CTNNA2: variants seen among roughly 807,000 people sequenced by gnomAD.
CTNNA2 encodes catenin alpha-2.
CTNNA2 carries 42 observed loss-of-function variants against 101.0 expected under a neutral mutation model. That is an observed-to-expected ratio of 0.42 (90% CI 0.32 to 0.54). CTNNA2 has a LOEUF of 0.54. Among genes scored for constraint, CTNNA2 ranks in the 20% least tolerant of loss-of-function variants. The pLI is 0.14. For missense variants in CTNNA2, 871 were observed against 1,223.1 expected, an observed-to-expected ratio of 0.71 and a Z score of 4.29; for synonymous variants, 450 against 456.4, an observed-to-expected ratio of 0.99 and a Z score of 0.18.
chr2:80,345,968 T>C (rs1672695805), intron 7 of CTNNA2, among the ~76,000 whole-genome samples: 1 of 152,146 alleles, frequency 6.6e-6, no homozygotes, highest in South Asian at 2.1e-4. Flanking sequence ...AGATTGAGGA[T>C]AAAGGGCATA....
At chr2:79,332,078 T>C (rs1676885957) in intron 3 of CTNNA2, among the ~76,000 whole-genome samples, 1 of 152,032 alleles carries the variant, frequency 6.6e-6, no homozygotes, top group Non-Finnish European at 1.5e-5. Flanking sequence ...CATTGCGAGA[T>C]GGGGTTAGGG....
At chr2:80,087,997 G>A (rs939058563) in intron 7 of CTNNA2, among the ~76,000 whole-genome samples, 17 of 151,896 alleles carry the variant, frequency 1.1e-4, no homozygotes, top group African/African-American at 3.6e-4. Flanking sequence ...AGCCCTTGCC[G>A]ACCACCCAGT....
At chr2:80,102,483 G>T (rs1700603137) in intron 7 of CTNNA2, among the ~76,000 whole-genome samples, 1 of 152,062 alleles carries the variant, frequency 6.6e-6, no homozygotes. Flanking sequence ...AATCCAACCT[G>T]CAATCCACTA....
intron 7 of CTNNA2, among the ~76,000 whole-genome samples, chr2:80,306,725 C>T (rs1319413106): frequency 6.6e-6 from 1 of 151,770 alleles, no homozygotes; most frequent in Admixed American, 6.6e-5. Flanking sequence ...GAGGCACCCG[C>T]AGGGTTAAAC....
intron 4 of CTNNA2, among the ~76,000 whole-genome samples, chr2:79,466,020 G>A (rs574591430): frequency 6.6e-6 from 1 of 152,318 alleles, no homozygotes; most frequent in South Asian, 2.1e-4. Context: ...TCTCACTGGG[G>A]CTTGTCGGAC....
chr2:80,095,841 G>A (rs1189427443), intron 7 of CTNNA2, among the ~76,000 whole-genome samples: 1 of 152,008 alleles, frequency 6.6e-6, no homozygotes, highest in Non-Finnish European at 1.5e-5. Context: ...TGTGGGATCG[G>A]TGGTGATATC....
chr2:80,075,121 C>G (rs939420996), intron 7 of CTNNA2, among the ~76,000 whole-genome samples: 1 of 152,102 alleles, frequency 6.6e-6, no homozygotes, highest in African/African-American at 2.4e-5. Flanking sequence ...GAAGCCCCTT[C>G]ATTCTGCCTT....
chr2:79,779,586 C>T (rs1674267750), intron 3 of CTNNA2, among the ~76,000 whole-genome samples: 1 of 152,068 alleles, frequency 6.6e-6, no homozygotes, highest in Non-Finnish European at 1.5e-5. Flanking sequence ...TTTTGTGAAA[C>T]ATGGTCTCAC....
chr2:80,429,105 A>G (rs1418937304), intron 9 of CTNNA2, among the ~76,000 whole-genome samples: 1 of 152,098 alleles, frequency 6.6e-6, no homozygotes, highest in African/African-American at 2.4e-5. Flanking sequence ...TATATATTCC[A>G]GTACTATTCT....
At chr2:80,340,926 C>T (rs984476209) in intron 7 of CTNNA2, among the ~76,000 whole-genome samples, 2 of 152,028 alleles carry the variant, frequency 1.3e-5, no homozygotes, top group African/African-American at 2.4e-5. Context: ...TCCTCAGATT[C>T]GGTAATTAGC....
At chr2:79,909,885 G>A (rs1685669104) in intron 7 of CTNNA2, 88 bp downstream of exon 7, 1 of 1,326,912 alleles carries the variant, frequency 7.5e-7, no homozygotes, top group South Asian at 1.5e-5. Flanking sequence ...AGCAGGAAAA[G>A]AGAACAGACC....
chr2:79,352,413 G>A (rs1246238628), intron 3 of CTNNA2, among the ~76,000 whole-genome samples: 2 of 152,052 alleles, frequency 1.3e-5, no homozygotes, highest in African/African-American at 4.8e-5. Flanking sequence ...TTGTATTTCT[G>A]TGAGGCTGGC....
intron 4 of CTNNA2, among the ~76,000 whole-genome samples, chr2:79,445,448 T>G (rs904119250): frequency 6.6e-6 from 1 of 152,202 alleles, no homozygotes; most frequent in Non-Finnish European, 1.5e-5. Flanking sequence ...AGATGAAAAT[T>G]CTGAGCCTCA....
intron 7 of CTNNA2, 128 bp downstream of exon 7, chr2:79,909,925 C>A (rs895952826): frequency 1.1e-6 from 1 of 930,798 alleles, no homozygotes; most frequent in Non-Finnish European, 1.6e-6. Context: ...TCAGGTGAAA[C>A]CAAAGAACTG....
At chr2:80,530,093 G>A (rs1690400343) in intron 9 of CTNNA2, among the ~76,000 whole-genome samples, 1 of 152,122 alleles carries the variant, frequency 6.6e-6, no homozygotes, top group Non-Finnish European at 1.5e-5. Flanking sequence ...CATGGCTCTG[G>A]ACTGTGAGGG....
At chr2:79,915,310 C>A (rs1020330358) in intron 7 of CTNNA2, among the ~76,000 whole-genome samples, 1 of 21,436 alleles carries the variant, frequency 4.7e-5, no homozygotes, top group African/African-American at 3.7e-4. Context: ...CACACAAACA[C>A]ACACACACAC....
chr2:80,093,555 T>A (rs1383184710), intron 7 of CTNNA2, among the ~76,000 whole-genome samples: 1 of 152,190 alleles, frequency 6.6e-6, no homozygotes, highest in Non-Finnish European at 1.5e-5. Flanking sequence ...GTATTTCTAG[T>A]TCTAGATCCC....
intron 7 of CTNNA2, among the ~76,000 whole-genome samples, chr2:80,208,863 A>G (rs1048256608): frequency 2.6e-5 from 4 of 152,176 alleles, no homozygotes; most frequent in Non-Finnish European, 5.9e-5. Flanking sequence ...CCCTGATGTT[A>G]ATTGAAATAT....
intron 12 of CTNNA2, among the ~76,000 whole-genome samples, chr2:80,566,386 G>A (rs1694066226): frequency 6.6e-6 from 1 of 152,188 alleles, no homozygotes; most frequent in Admixed American, 6.5e-5. Flanking sequence ...ATGAATACCA[G>A]GAGAAGAGGA....
Sources: gnomAD v4.1 joint callset for allele counts (sites outside exome capture counted in the v4.1 genomes callset) on GRCh38, gnomAD v4.1.1 for gene constraint, MANE v1.5 for transcripts, NCBI Gene and HGNC (gene_info 2026-07-23, HGNC 2026-07-21) for gene names.